SLC35F1: variants seen among roughly 807,000 people sequenced by gnomAD.
SLC35F1 encodes the protein solute carrier family 35 member F1.
Under a neutral mutation model 48.7 loss-of-function variants are expected in SLC35F1, and 14 were observed. That is an observed-to-expected ratio of 0.29 (90% CI 0.19 to 0.45). The LOEUF (loss-of-function observed/expected upper bound fraction) is 0.45, where lower values mean the gene tolerates loss of function less well. Among genes scored for constraint, SLC35F1 ranks in the 20% least tolerant of loss-of-function variants. SLC35F1 has a pLI of 1.00. For synonymous variants in SLC35F1, 190 were observed against 202.2 expected (o/e 0.94, Z 0.51); for missense variants, 404 against 500.0 (o/e 0.81, Z 1.83).
chr6:118,130,533 A>T (rs1773695338), intron 1 of SLC35F1, among the ~76,000 whole-genome samples: 1 of 152,182 alleles, frequency 6.6e-6, no homozygotes, highest in Admixed American at 6.5e-5. Context: ...ACTGAAAAAA[A>T]TATAGTGTCT....
intron 1 of SLC35F1, among the ~76,000 whole-genome samples, chr6:118,052,603 C>T (rs929302704): frequency 1.3e-5 from 2 of 152,064 alleles, no homozygotes; most frequent in Admixed American, 6.6e-5. Context: ...AAATCACTTT[C>T]GTGTCTGACC....
At chr6:118,225,563 T>C (rs1392739983) in intron 2 of SLC35F1, among the ~76,000 whole-genome samples, 1 of 152,194 alleles carries the variant, frequency 6.6e-6, no homozygotes, top group Non-Finnish European at 1.5e-5. Context: ...GGGGAAATAT[T>C]CCAGGACGTT....
chr6:118,091,805 T>G (rs891092355), intron 1 of SLC35F1, among the ~76,000 whole-genome samples: 1 of 152,202 alleles, frequency 6.6e-6, no homozygotes, highest in Admixed American at 6.5e-5. Flanking sequence ...ACCAAAATGC[T>G]GATAATATTG....
intron 1 of SLC35F1, among the ~76,000 whole-genome samples, chr6:118,050,435 G>A (rs1772372051): frequency 6.6e-6 from 1 of 151,058 alleles, no homozygotes; most frequent in Non-Finnish European, 1.5e-5. Context: ...AGTGCAATAA[G>A]GGCAGTAACA....
At chr6:118,159,047 C>T (rs748720808) in intron 2 of SLC35F1, among the ~76,000 whole-genome samples, 16 of 151,478 alleles carry the variant, frequency 1.1e-4, no homozygotes, top group Admixed American at 3.3e-4. Flanking sequence ...GGTGAAACCC[C>T]GTCTCTACTA....
intron 1 of SLC35F1, among the ~76,000 whole-genome samples, chr6:117,933,441 G>A (rs887168858): frequency 6.6e-6 from 1 of 152,134 alleles, no homozygotes; most frequent in Non-Finnish European, 1.5e-5. Context: ...CAATATTTCT[G>A]AGTAAACATA....
At chr6:118,064,638 T>A (rs1422510594) in intron 1 of SLC35F1, among the ~76,000 whole-genome samples, 1 of 152,218 alleles carries the variant, frequency 6.6e-6, no homozygotes, top group African/African-American at 2.4e-5. Context: ...CCTTGGATTT[T>A]GTCAGAGACT....
At chr6:118,160,907 T>TC (rs1393973721) in intron 2 of SLC35F1, among the ~76,000 whole-genome samples, 1 of 151,954 alleles carries the variant, frequency 6.6e-6, no homozygotes, top group Non-Finnish European at 1.5e-5. Context: ...TATTTTTTTT[T>TC]TTTTTTGAGG....
intron 2 of SLC35F1, among the ~76,000 whole-genome samples, chr6:118,208,199 C>T (rs1024625955): frequency 3.3e-5 from 5 of 152,192 alleles, no homozygotes; most frequent in African/African-American, 9.7e-5. Flanking sequence ...GCTTCCACTG[C>T]TTGTGCACAC....
intron 1 of SLC35F1, among the ~76,000 whole-genome samples, chr6:118,068,014 GC>G (rs1270994430): frequency 7.2e-5 from 11 of 152,274 alleles, no homozygotes; most frequent in African/African-American, 2.6e-4. Context: ...CGGTGCTGGT[GC>G]AAGTCCTGGA....
intron 2 of SLC35F1, among the ~76,000 whole-genome samples, chr6:118,192,101 G>A (rs545469885): frequency 1.3e-4 from 20 of 152,284 alleles, no homozygotes; most frequent in African/African-American, 4.8e-4. Flanking sequence ...TTGAATACGA[G>A]TTGTTATTCC....
rs200908543 is a variant in SLC35F1, at chr6:117,977,175, ATTTTTC to A, written c.173+69292_173+69297del. Among the ~76,000 whole-genome samples the A allele has an allele frequency of 1.8e-3, 268 of 150,224 alleles. 3 individuals are homozygous for A. The East Asian group carries it at 0.047, about 27-fold the overall frequency. On this transcript the variant is annotated intron_variant, in intron 1 of 7. Transcript: ENST00000360388. ...TGGAATTCCTGGATGAAAGAACATG[ATTTTTC>A]TTTTTCTTTTTCTTTCTTTCTTTTT...
At chr6:118,305,048 A>AAGTG (rs1491452772) in intron 7 of SLC35F1, among the ~76,000 whole-genome samples, 1 of 80,162 alleles carries the variant, frequency 1.2e-5, no homozygotes, top group Admixed American at 1.2e-4. Context: ...ATCAACAGGA[A>AAGTG]TGTGTGTGTG....
chr6:118,038,503 A>G (rs982089843), intron 1 of SLC35F1, among the ~76,000 whole-genome samples: 4 of 151,576 alleles, frequency 2.6e-5, no homozygotes, highest in Non-Finnish European at 5.9e-5. Flanking sequence ...TAAATCTCCA[A>G]TCAAAGAACA....
intron 6 of SLC35F1, among the ~76,000 whole-genome samples, chr6:118,279,967 A>C (rs1453086485): frequency 2.0e-5 from 3 of 152,190 alleles, no homozygotes; most frequent in Admixed American, 6.5e-5. Context: ...TGGGGTTAAT[A>C]AATATGTTTT....
chr6:117,974,561 C>G (rs1367095070), intron 1 of SLC35F1, among the ~76,000 whole-genome samples: 1 of 152,022 alleles, frequency 6.6e-6, no homozygotes, highest in Non-Finnish European at 1.5e-5. Flanking sequence ...CTTTTTAATG[C>G]TGAATCAAAA....
At chr6:118,167,630 G>T (rs1774338200) in intron 2 of SLC35F1, among the ~76,000 whole-genome samples, 1 of 152,134 alleles carries the variant, frequency 6.6e-6, no homozygotes, top group East Asian at 1.9e-4. Context: ...CAGTTACTAT[G>T]AATGGTGCTT....
At chr6:118,180,508 G>A (rs1004563113) in intron 2 of SLC35F1, among the ~76,000 whole-genome samples, 2 of 151,810 alleles carry the variant, frequency 1.3e-5, no homozygotes, top group Non-Finnish European at 1.5e-5. Flanking sequence ...AATTGATCAG[G>A]TAGATCTGAA....
chr6:117,969,159 A>G (rs749775635), intron 1 of SLC35F1, among the ~76,000 whole-genome samples: 7 of 152,214 alleles, frequency 4.6e-5, no homozygotes, highest in Non-Finnish European at 7.3e-5. Context: ...GAAGTGAGAA[A>G]AAGGAATTTT....
Sources: gnomAD v4.1 joint callset for allele counts (sites outside exome capture counted in the v4.1 genomes callset) on GRCh38, gnomAD v4.1.1 for gene constraint, MANE v1.5 for transcripts, NCBI Gene and HGNC (gene_info 2026-07-23, HGNC 2026-07-21) for gene names.